The following CACNA1H variants were observed in gnomAD, a reference collection of about 807,000 sequenced individuals.
CACNA1H encodes the protein calcium voltage-gated channel subunit alpha1 H, also known as voltage-dependent T-type calcium channel subunit alpha-1H.
A neutral mutation model predicts 192.5 loss-of-function variants in CACNA1H; 149 were observed. That is an observed-to-expected ratio of 0.77 (90% CI 0.68 to 0.89). The LOEUF (loss-of-function observed/expected upper bound fraction) is 0.89. Ranked by LOEUF, CACNA1H falls within the 40% of genes least tolerant of loss-of-function variation. The pLI is 0.00. For synonymous variants in CACNA1H, 2,202 were observed against 1,475.2 expected (o/e 1.49, Z -11.29); for missense variants, 4,257 against 3,423.5 (o/e 1.24, Z -6.08).
rs776725019 is a variant in CACNA1H, at chr16:1,200,372, G to A, written c.920G>A (p.Gly307Asp). ...NGMQKCSHIP[G>D]RRELRMPCTL... ...ATGCAGAAGTGCTCGCACATCCCCG[G>A]CCGCCGCGAGCTGCGCATGCCCTGC... The change falls in exon 7 of 35, where the codon GGC becomes GAC. Residue 307 changes from glycine to aspartate, a missense_variant. Transcript: ENST00000348261. The A allele has an allele frequency of 9.4e-6, 15 of 1,600,116 alleles. No homozygotes were observed. Among genetic ancestry groups the A allele is most frequent in the Non-Finnish European group, 1.3e-5 (15 of 1,174,250 alleles).
At chr16:1,162,239 C>T (rs532247025) in intron 2 of CACNA1H, among the ~76,000 whole-genome samples, 25 of 152,244 alleles carry the variant, frequency 1.6e-4, no homozygotes, top group African/African-American at 6.0e-4. Flanking sequence ...TGTCTGAGGC[C>T]CCTACCTGTG....
chr16:1,202,508 A>G (rs1396547685), intron 9 of CACNA1H, 56 bp downstream of exon 9: 3 of 1,413,826 alleles, frequency 2.1e-6, no homozygotes, highest in African/African-American at 2.9e-5. Flanking sequence ...CAGGGCGGGC[A>G]GGGTCTCCGG....
Position 1,219,259 on chromosome 16 carries a change from T to C in CACNA1H, c.6048+129T>C, listed in dbSNP as rs569591617. ...GAGGGTCGCACTGGGTCCTTGGGGCTCCGAAGGTTTCTGCCTGCTGCTTGG... is the reference window on the plus strand; with the variant it reads ...GAGGGTCGCACTGGGTCCTTGGGGCCCCGAAGGTTTCTGCCTGCTGCTTGG... On this transcript the variant is annotated intron_variant, in intron 34 of 34. Transcript: ENST00000348261. 1.3e-3 allele frequency: 1,120 copies of C among 882,532 alleles called. 3 individuals are homozygous for C. The highest frequency in any genetic ancestry group is 2.4e-3 in the Admixed American group (79 of 33,390). The allele number at this position is 882,532 out of a possible 1,614,324, so 54.7% of individuals were successfully genotyped here.
chr16:1,201,173 G>T (rs931465819), intron 8 of CACNA1H, among the ~76,000 whole-genome samples: 1 of 152,152 alleles, frequency 6.6e-6, no homozygotes, highest in Non-Finnish European at 1.5e-5. Flanking sequence ...TAATCAGGCC[G>T]CAGACGTCTG....
chr16:1,160,408 G>T (rs1284803135), intron 2 of CACNA1H, among the ~76,000 whole-genome samples: 1 of 152,202 alleles, frequency 6.6e-6, no homozygotes, highest in Non-Finnish European at 1.5e-5. Context: ...CCTGAGCAGT[G>T]ATGGACGGCC....
intron 2 of CACNA1H, among the ~76,000 whole-genome samples, chr16:1,188,760 G>A (rs1331765493): frequency 1.3e-5 from 2 of 152,202 alleles, no homozygotes; most frequent in Non-Finnish European, 1.5e-5. Flanking sequence ...CTGAAGCTCT[G>A]TGTTTCCGGC....
At chr16:1,211,363 CCAGCAGCGCCGCTGCGG>C in intron 22 of CACNA1H, 69 bp downstream of exon 22, 1 of 1,608,040 alleles carries the variant, frequency 6.2e-7, no homozygotes, top group Non-Finnish European at 8.5e-7. Context: ...AGCGTGGCTC[CCAGCAGCGCCGCTGCGG>C]GACGGGGAGG....
In CACNA1H at chr16:1,200,516, A is replaced by G. The variant is rs773862832; in HGVS notation, c.1064A>G (p.His355Arg). ...NVCRSGDSNP[H>R]NGAINFDNIG... is the part of the protein sequence containing the mutation. The stretch of plus-strand genomic sequence containing the variant: ...TGCCGCTCGGGTGACTCCAACCCCC[A>G]CAACGGTGCCATCAACTTCGACAAC... Residue 355 changes from histidine (H) to arginine (R), a missense_variant, in exon 7 of 35, where the codon CAC (histidine) becomes CGC (arginine). Physicochemically the swap from His to Arg is conservative, Grantham distance 29. Transcript: ENST00000348261. 1 of 1,612,334 alleles carries G rather than the reference A, an allele frequency of 6.2e-7. No homozygotes were observed. The highest frequency in any genetic ancestry group is 8.5e-7 in the Non-Finnish European group (1 of 1,179,720).
In CACNA1H at chr16:1,206,174, C is replaced by T. The variant is rs1596436462; in HGVS notation, c.2674C>T (p.Leu892=). The part of the protein sequence containing the change: ...VLRTFRLLRV[L]KLVRFLPALR... ...GCGCACCTTCCGGCTGCTGCGTGTG[C>T]TGAAGCTGGTGCGCTTTCTGCCAGC... is the stretch of plus-strand genomic sequence containing the variant. Residue 892 remains leucine (L), a synonymous_variant, in exon 12 of 35, where the codon CTG becomes TTG. Transcript: ENST00000348261. 1 of 1,587,580 alleles carries T rather than the reference C, an allele frequency of 6.3e-7. No homozygotes were observed. The highest frequency in any genetic ancestry group is 8.6e-7 in the Non-Finnish European group (1 of 1,168,320).
chr16:1,198,757 G>A lies in CACNA1H; in HGVS notation c.786G>A (p.Leu262=). Reference sequence around the variant, plus strand: ...GCCTCCTGCGGAACCGCTGCTTCCTGGACAGTGCCTTTGTCAGGTGCCCAG... The same window carrying A: ...GCCTCCTGCGGAACCGCTGCTTCCTAGACAGTGCCTTTGTCAGGTGCCCAG... ...WAGLLRNRCF[L]DSAFVRNNNL... is the part of the protein sequence containing the mutation. Residue 262 remains leucine, a synonymous_variant, in exon 6 of 35, where the codon CTG becomes CTA. Transcript: ENST00000348261. The A allele has an allele frequency of 6.2e-7, 1 of 1,611,904 alleles. No homozygotes were observed. The highest frequency in any genetic ancestry group is 8.5e-7 in the Non-Finnish European group (1 of 1,179,364).
chr16:1,205,187 T>C lies in CACNA1H; in HGVS notation c.2525T>C (p.Leu842Pro), dbSNP rs1184247683. Residue 842 changes from leucine to proline, a missense_variant, in exon 11 of 35, where the codon CTG (leucine) becomes CCG (proline). Physicochemically the swap from Leu to Pro is moderately conservative, Grantham distance 98. Coordinates refer to ENST00000348261, the MANE Select transcript of CACNA1H (RefSeq NM_021098.3). ...AGCATGTTTGCCCTGGAGATGCTGC[T>C]GAAGCTGCTGGCCTGCGGCCCTCTG... ...FTSMFALEML[L>P]KLLACGPLGY... 6.2e-7 allele frequency: 1 copy of C among 1,613,150 alleles called. No individual in the cohort carries two copies. The highest frequency in any genetic ancestry group is 1.7e-5 in the Admixed American group (1 of 60,010).
In CACNA1H at chr16:1,211,957, C is replaced by T. The variant is rs1306318012; in HGVS notation, c.4578C>T (p.Asn1526=). Residue 1526 remains asparagine (N), a synonymous_variant, in exon 25 of 35, where the codon AAC becomes AAT. Transcript: ENST00000348261. ...CCTCTGTGCCACAGCCTGTGCAGAA[C>T]CACAACCCCTGGATGCTGCTGTACT... ...AVGVDQQPVQ[N]HNPWMLLYFI... 9 of 1,613,324 alleles carry T rather than the reference C, an allele frequency of 5.6e-6. No homozygotes were observed. The East Asian group carries it at 1.6e-4, about 28-fold the overall frequency.
intron 2 of CACNA1H, among the ~76,000 whole-genome samples, chr16:1,177,932 G>A (rs190921688): frequency 4.2e-4 from 64 of 151,944 alleles, no homozygotes; most frequent in Admixed American, 4.6e-4. Context: ...TCCGTCCCCA[G>A]CAGGTGCCCG....
At chr16:1,161,110 C>T (rs531380559) in intron 2 of CACNA1H, among the ~76,000 whole-genome samples, 18 of 152,316 alleles carry the variant, frequency 1.2e-4, no homozygotes, top group African/African-American at 3.1e-4. Context: ...AGAACTGGCT[C>T]CTGCAGAAAA....
At chr16:1,203,835 A>T (rs1014869485) in intron 9 of CACNA1H, among the ~76,000 whole-genome samples, 175 bp from the exon 10 acceptor site, 2 of 152,062 alleles carry the variant, frequency 1.3e-5, no homozygotes, top group African/African-American at 4.8e-5. Flanking sequence ...AACCCATGAC[A>T]CCTGCAAAGA....
chr16:1,192,318 T>C (rs931080229), intron 2 of CACNA1H, among the ~76,000 whole-genome samples: 3 of 151,874 alleles, frequency 2.0e-5, no homozygotes, highest in African/African-American at 4.8e-5. Flanking sequence ...CTTTGAGGAG[T>C]TGCTAGGCAC....
chr16:1,178,853 G>A (rs1433986403), intron 2 of CACNA1H, among the ~76,000 whole-genome samples: 1 of 152,240 alleles, frequency 6.6e-6, no homozygotes, highest in Non-Finnish European at 1.5e-5. Flanking sequence ...GTGGCTGCCA[G>A]GGCAGAGGAA....
At chr16:1,155,648 A>G (rs761043246) in intron 2 of CACNA1H, among the ~76,000 whole-genome samples, 23 of 151,620 alleles carry the variant, frequency 1.5e-4, no homozygotes, top group Non-Finnish European at 2.1e-4. Flanking sequence ...CCCATCCCCA[A>G]GCAGGGCATG....
chr16:1,184,941 G>A (rs979209097), intron 2 of CACNA1H, among the ~76,000 whole-genome samples: 4 of 152,148 alleles, frequency 2.6e-5, no homozygotes, highest in Admixed American at 2.0e-4. Context: ...ATTTTAAAGC[G>A]CACGGGTTAG....
Sources: gnomAD v4.1 joint callset for allele counts (sites outside exome capture counted in the v4.1 genomes callset) on GRCh38, gnomAD v4.1.1 for gene constraint, MANE v1.5 for transcripts, NCBI Gene and HGNC (gene_info 2026-07-23, HGNC 2026-07-21) for gene names.